Variants in PPM1L observed in about 807,000 individuals in gnomAD.
PPM1L encodes protein phosphatase, Mg2+/Mn2+ dependent 1L.
A neutral mutation model predicts 31.4 loss-of-function variants in PPM1L; 13 were observed. The observed-to-expected ratio is 0.41, with a 90% CI of 0.27 to 0.66. The LOEUF (loss-of-function observed/expected upper bound fraction) is 0.66. Among genes scored for constraint, PPM1L ranks in the 30% least tolerant of loss-of-function variants. The pLI is 0.29. For missense variants in PPM1L, 326 were observed against 453.7 expected (o/e 0.72, Z 2.56); for synonymous variants, 184 against 175.4 (o/e 1.05, Z -0.39).
intron 1 of PPM1L, among the ~76,000 whole-genome samples, chr3:160,778,111 T>G (rs1166157486): frequency 6.6e-6 from 1 of 152,066 alleles, no homozygotes; most frequent in Admixed American, 6.5e-5. Context: ...TCTCTAATGA[T>G]TTGTGTAACT....
At chr3:160,784,949 A>G (rs1347381327) in intron 1 of PPM1L, among the ~76,000 whole-genome samples, 1 of 152,242 alleles carries the variant, frequency 6.6e-6, no homozygotes, top group Non-Finnish European at 1.5e-5. Flanking sequence ...GTATGTCAGG[A>G]AACTACTCTG....
intron 1 of PPM1L, among the ~76,000 whole-genome samples, chr3:160,927,646 G>A (rs984375650): frequency 2.7e-4 from 41 of 152,078 alleles, no homozygotes; most frequent in African/African-American, 4.1e-4. Context: ...GTGCGTGCGC[G>A]CGCATGCACG....
At chr3:160,814,559 ATATG>A (rs1400902244) in intron 1 of PPM1L, among the ~76,000 whole-genome samples, 2 of 101,874 alleles carry the variant, frequency 2.0e-5, no homozygotes, top group African/African-American at 8.0e-5. Context: ...ACACACACAC[ATATG>A]TATGTATGTG....
intron 2 of PPM1L, among the ~76,000 whole-genome samples, chr3:161,027,429 C>T (rs1718434478): frequency 6.6e-6 from 1 of 152,156 alleles, no homozygotes; most frequent in South Asian, 2.1e-4. Flanking sequence ...TAGTTAGTTC[C>T]CTGTGACTGG....
At position 161,077,107 on chromosome 3, in the gene PPM1L, C is replaced by A. The variant is rs554966631; in HGVS notation, c.*7950C>A. On this transcript the variant is annotated 3_prime_UTR_variant, in exon 4 of 4. Transcript: ENST00000498165. ...TTGGGGTGTCAGAGATATTATAACA[C>A]TCAATATTGACCCAATGGGATGAAA... 6.6e-6 allele frequency: 1 copy of A among 152,316 alleles called. No individual in the cohort carries two copies. Among genetic ancestry groups the A allele is most frequent in the Admixed American group, 6.5e-5 (1 of 15,286 alleles). 9.4% of individuals were successfully genotyped at this position (152,316 alleles called of 1,614,324 possible).
intron 3 of PPM1L, 118 bp from the exon 4 acceptor site, chr3:161,068,693 G>T (rs1442167909): frequency 5.2e-6 from 4 of 769,730 alleles, no homozygotes; most frequent in Non-Finnish European, 8.4e-6. Flanking sequence ...GGGGTTAAGG[G>T]GAGTGCCCAC....
intron 2 of PPM1L, among the ~76,000 whole-genome samples, chr3:160,973,697 G>A (rs1453283998): frequency 7.1e-6 from 1 of 140,294 alleles, no homozygotes; most frequent in African/African-American, 2.6e-5. Flanking sequence ...CAAATGTTAT[G>A]TTCAGTCTTT....
At chr3:161,009,169 T>C (rs1717807068) in intron 2 of PPM1L, among the ~76,000 whole-genome samples, 1 of 152,158 alleles carries the variant, frequency 6.6e-6, no homozygotes, top group Non-Finnish European at 1.5e-5. Context: ...CTAATATATA[T>C]TTCTACAGTG....
chr3:160,909,606 T>C (rs1245874553), intron 1 of PPM1L, among the ~76,000 whole-genome samples: 1 of 152,064 alleles, frequency 6.6e-6, no homozygotes, highest in Non-Finnish European at 1.5e-5. Flanking sequence ...GCGAGCCCTC[T>C]CTTAAGGAGG....
In PPM1L at chr3:160,842,351, G is replaced by A. The variant is rs996508386; in HGVS notation, c.399+85644G>A. 4 of 699,570 alleles carry A rather than the reference G, an allele frequency of 5.7e-6. No homozygotes were observed. The Admixed American group carries it at 8.1e-5, about 14-fold the overall frequency. The allele number at this position is 699,570 out of a possible 1,614,324, so 43.3% of individuals were successfully genotyped here. On this transcript the variant is annotated intron_variant, in intron 1 of 3. Transcript: ENST00000498165. ...CATGATGGGGGGTAATGAATAATGG[G>A]AAATAAAACTAGAGAGGTAGGTTGA...
intron 1 of PPM1L, among the ~76,000 whole-genome samples, chr3:160,868,005 G>C (rs1239167686): frequency 6.6e-6 from 1 of 152,128 alleles, no homozygotes; most frequent in Admixed American, 6.6e-5. Context: ...AGAACAGGCT[G>C]GTCTGCAAAA....
chr3:161,066,478 T>C (rs1464986622), intron 3 of PPM1L, among the ~76,000 whole-genome samples: 1 of 151,780 alleles, frequency 6.6e-6, no homozygotes, highest in Non-Finnish European at 1.5e-5. Flanking sequence ...TGTCAGGGAG[T>C]TGCAGTTTTA....
chr3:160,888,123 A>G (rs1338882864), intron 1 of PPM1L, among the ~76,000 whole-genome samples: 2 of 152,230 alleles, frequency 1.3e-5, no homozygotes, highest in African/African-American at 2.4e-5. Flanking sequence ...AACTGCATCA[A>G]CTAGTGTGCA....
chr3:160,897,863 C>G lies in PPM1L; in HGVS notation c.400-63873C>G, dbSNP rs115568033. On this transcript the variant is annotated intron_variant, in intron 1 of 3. Transcript: ENST00000498165. Reference sequence around the variant, plus strand: ...TCAGTGTCTCACCTCCACCCAGTCACTCTTGCACCCTGTCACTCACTTAGC... The same window carrying G: ...TCAGTGTCTCACCTCCACCCAGTCAGTCTTGCACCCTGTCACTCACTTAGC... Among the ~76,000 whole-genome samples, 386 of 152,336 alleles carry G rather than the reference C, an allele frequency of 2.5e-3. 1 individual carries two copies. Among genetic ancestry groups the G allele is most frequent in the African/African-American group, 8.8e-3 (365 of 41,582 alleles).
intron 1 of PPM1L, among the ~76,000 whole-genome samples, chr3:160,952,928 G>A (rs184600353): frequency 2.3e-3 from 357 of 152,242 alleles, no homozygotes; most frequent in African/African-American, 8.3e-3. Flanking sequence ...TTATAATTGT[G>A]TGTGTTCATG....
At chr3:160,926,050 G>A (rs558411690) in intron 1 of PPM1L, among the ~76,000 whole-genome samples, 13 of 152,246 alleles carry the variant, frequency 8.5e-5, no homozygotes, top group African/African-American at 1.4e-4. Context: ...TGAGAGAGAC[G>A]GGTCTTGTAT....
chr3:161,064,516 G>GT lies in PPM1L; in HGVS notation c.575-887_575-886insT, dbSNP rs758706292. On this transcript the variant is annotated intron_variant, in intron 2 of 3. Transcript: ENST00000498165. ...CTAATTAGTGCATAATTTTAACGAG[G>GT]GAGATATGTTTGAGTCAAGAGCTGA... Among the ~76,000 whole-genome samples, 13 of 152,246 alleles carry GT rather than the reference G, an allele frequency of 8.5e-5. No homozygotes were observed. The East Asian group carries it at 1.9e-3, about 23-fold the overall frequency.
chr3:161,042,837 G>A (rs1406240558), intron 2 of PPM1L, among the ~76,000 whole-genome samples: 2 of 151,878 alleles, frequency 1.3e-5, no homozygotes, highest in African/African-American at 4.8e-5. Context: ...TGGCCATCAT[G>A]GTGAAACCCC....
intron 1 of PPM1L, among the ~76,000 whole-genome samples, chr3:160,943,119 T>A (rs1482628041): frequency 6.6e-6 from 1 of 152,162 alleles, no homozygotes; most frequent in African/African-American, 2.4e-5. Flanking sequence ...AGCAGCCTCT[T>A]AGAAACAGGA....
Sources: gnomAD v4.1 joint callset for allele counts (sites outside exome capture counted in the v4.1 genomes callset) on GRCh38, gnomAD v4.1.1 for gene constraint, MANE v1.5 for transcripts, NCBI Gene and HGNC (gene_info 2026-07-23, HGNC 2026-07-21) for gene names.